Variants in LIPI observed in about 807,000 individuals in gnomAD.
LIPI encodes the protein lipase I.
LIPI carries 59 observed loss-of-function variants against 50.6 expected under a neutral mutation model. The observed-to-expected ratio is 1.16, with a 90% CI of 0.94 to 1.45. LIPI has a LOEUF of 1.45. Ranked by LOEUF, LIPI falls within the 40% of genes most tolerant of loss-of-function variation. The pLI is 0.00. For synonymous variants in LIPI, 203 were observed against 178.2 expected (o/e 1.14, Z -1.11); for missense variants, 586 against 536.3 (o/e 1.09, Z -0.92).
intron 1 of LIPI, among the ~76,000 whole-genome samples, chr21:14,200,583 A>G (rs2020019161): frequency 1.3e-5 from 2 of 152,062 alleles, no homozygotes. Context: ...GGAGAACAAC[A>G]AAACACTGCC....
chr21:14,200,635 T>C (rs888999295), intron 1 of LIPI, among the ~76,000 whole-genome samples: 5 of 151,872 alleles, frequency 3.3e-5, no homozygotes, highest in African/African-American at 1.2e-4. Context: ...TCGAAAAACA[T>C]ACCATGCTCA....
chr21:14,182,629 T>C (rs1037994330), intron 3 of LIPI, among the ~76,000 whole-genome samples: 1 of 151,986 alleles, frequency 6.6e-6, no homozygotes, highest in African/African-American at 2.4e-5. Context: ...TCAAAGAGAA[T>C]AAAATACCTA....
At chr21:14,182,093 C>A (rs370022842) in intron 3 of LIPI, among the ~76,000 whole-genome samples, 3 of 152,120 alleles carry the variant, frequency 2.0e-5, no homozygotes, top group East Asian at 3.9e-4. Context: ...AAAATATTGT[C>A]GGAATTTTTG....
intron 4 of LIPI, among the ~76,000 whole-genome samples, chr21:14,179,749 G>T (rs1169260008): frequency 6.6e-6 from 1 of 152,132 alleles, no homozygotes; most frequent in East Asian, 1.9e-4. Context: ...ATAAGCTGAG[G>T]ATATATGTCA....
rs867611444 is a variant in LIPI at position 14,161,766 on chromosome 21, T to A, written c.1006+1653A>T. Among the ~76,000 whole-genome samples, 125 of 63,116 alleles carry A rather than the reference T, an allele frequency of 2.0e-3. 22 individuals are homozygous for A. The highest frequency in any genetic ancestry group is 8.9e-3 in the African/African-American group (115 of 12,850). 41.4% of individuals were successfully genotyped at this position (63,116 alleles called of 152,430 possible). A position where few individuals can be genotyped will look rare whatever the true frequency, so the allele number is the denominator to read the frequency against. On this transcript the variant is annotated intron_variant, in intron 7 of 9. Coordinates refer to ENST00000681601, the MANE Select transcript of LIPI (RefSeq NM_001302998.2). ...ATATTAATATATAATATATACATTA[T>A]TATATATTAATATATAATATATACA... is the stretch of plus-strand genomic sequence containing the variant.
At chr21:14,175,849 T>C (rs1180004225) in intron 4 of LIPI, among the ~76,000 whole-genome samples, 1 of 152,084 alleles carries the variant, frequency 6.6e-6, no homozygotes, top group Non-Finnish European at 1.5e-5. Context: ...ATGTATGAAG[T>C]TCAAGCATTC....
intron 4 of LIPI, among the ~76,000 whole-genome samples, chr21:14,177,744 T>C: frequency 6.6e-6 from 1 of 152,236 alleles, no homozygotes; most frequent in South Asian, 2.1e-4. Context: ...ATTTTCTATA[T>C]TTCAAGTCCA....
intron 9 of LIPI, among the ~76,000 whole-genome samples, chr21:14,116,586 T>G (rs2016650835): frequency 6.6e-6 from 1 of 152,250 alleles, no homozygotes. Flanking sequence ...AAGAACCCTT[T>G]TTGAAATTGA....
chr21:14,175,326 G>A (rs1023371146), intron 4 of LIPI, among the ~76,000 whole-genome samples: 2 of 151,916 alleles, frequency 1.3e-5, no homozygotes, highest in African/African-American at 4.8e-5. Flanking sequence ...CTTCTTGTTT[G>A]GGTTTTAATT....
At chr21:14,122,531 A>G (rs2016903250) in intron 9 of LIPI, among the ~76,000 whole-genome samples, 1 of 152,232 alleles carries the variant, frequency 6.6e-6, no homozygotes, top group Non-Finnish European at 1.5e-5. Flanking sequence ...AACCTAATCC[A>G]GGAGAAGTCT....
At chr21:14,193,685 A>T (rs2019752100) in intron 1 of LIPI, among the ~76,000 whole-genome samples, 1 of 152,170 alleles carries the variant, frequency 6.6e-6, no homozygotes, top group Admixed American at 6.5e-5. Flanking sequence ...CTTAGAAGAA[A>T]ACAAGGGGGA....
In LIPI at chr21:14,110,909, T is replaced by C. The variant is rs980001212; in HGVS notation, c.1296-1829A>G. Among the ~76,000 whole-genome samples, 5 of 148,444 alleles carry C rather than the reference T, an allele frequency of 3.4e-5. No individual in the cohort carries two copies. The Admixed American group carries it at 3.4e-4, about 10-fold the overall frequency. ...ATAGGTGATATATATATGCATACTATATTTTTAATATATATAGTATATACC... is the reference window on the plus strand; with the variant it reads ...ATAGGTGATATATATATGCATACTACATTTTTAATATATATAGTATATACC... On this transcript the variant is annotated intron_variant, in intron 9 of 9. Transcript: ENST00000681601.
intron 4 of LIPI, among the ~76,000 whole-genome samples, chr21:14,175,042 A>G (rs2019047138): frequency 6.6e-6 from 1 of 152,178 alleles, no homozygotes; most frequent in East Asian, 1.9e-4. Context: ...GTCATATAGT[A>G]TTTCATTGTA....
chr21:14,137,224 A>G (rs1241977605), intron 9 of LIPI, among the ~76,000 whole-genome samples: 1 of 152,220 alleles, frequency 6.6e-6, no homozygotes, highest in Non-Finnish European at 1.5e-5. Flanking sequence ...ACATGACATC[A>G]ACAAAGGAAC....
At chr21:14,157,060 G>C (rs983423908) in intron 7 of LIPI, among the ~76,000 whole-genome samples, 1 of 151,900 alleles carries the variant, frequency 6.6e-6, no homozygotes, top group Non-Finnish European at 1.5e-5. Context: ...TGTAAATGAA[G>C]AAATTGGAAA....
chr21:14,151,981 G>C (rs2018107167), intron 8 of LIPI, among the ~76,000 whole-genome samples: 1 of 151,972 alleles, frequency 6.6e-6, no homozygotes, highest in Admixed American at 6.6e-5. Context: ...AAACTGGAGG[G>C]AATTAGAAGG....
At chr21:14,163,622 C>G in intron 6 of LIPI, 99 bp from the exon 7 acceptor site, 1 of 700,864 alleles carries the variant, frequency 1.4e-6, no homozygotes, top group Non-Finnish European at 2.6e-6. Context: ...ATATAATCAT[C>G]ATAATGATCA....
intron 1 of LIPI, among the ~76,000 whole-genome samples, chr21:14,194,987 G>T (rs1307718738): frequency 2.0e-5 from 3 of 152,116 alleles, no homozygotes; most frequent in Non-Finnish European, 1.5e-5. Flanking sequence ...ACACAGAATT[G>T]TGATTGCTGA....
At chr21:14,161,681 AT>A (rs1568858415) in intron 7 of LIPI, among the ~76,000 whole-genome samples, 2 of 105,834 alleles carry the variant, frequency 1.9e-5, no homozygotes, top group South Asian at 5.1e-4. Context: ...ATACATTATT[AT>A]ATATTAATGT....
Sources: gnomAD v4.1 joint callset for allele counts (sites outside exome capture counted in the v4.1 genomes callset) on GRCh38, gnomAD v4.1.1 for gene constraint, MANE v1.5 for transcripts, NCBI Gene and HGNC (gene_info 2026-07-23, HGNC 2026-07-21) for gene names.